The following ZNF536 variants were observed in gnomAD, a reference collection of about 807,000 sequenced individuals.
ZNF536 encodes zinc finger protein 536.
In ZNF536, 13 loss-of-function variants were observed where a neutral mutation model predicts 84.5. The ratio of observed to expected loss-of-function variants is 0.15; its 90% confidence interval spans 0.10 to 0.24. ZNF536 has a LOEUF of 0.24. Among genes scored for constraint, ZNF536 ranks in the 10% least tolerant of loss-of-function variants. ZNF536 has a pLI of 1.00. For synonymous variants in ZNF536, 811 were observed against 742.5 expected, an observed-to-expected ratio of 1.09 and a Z score of -1.50; for missense variants, 1,536 against 1,747.5, an observed-to-expected ratio of 0.88 and a Z score of 2.16.
At chr19:30,648,127 T>C (rs527929338) in intron 1 of ZNF536, among the ~76,000 whole-genome samples, 1 of 152,220 alleles carries the variant, frequency 6.6e-6, no homozygotes, top group Non-Finnish European at 1.5e-5. Context: ...TCTGCCTGTG[T>C]TCCCAGAACA....
intron 1 of ZNF536, among the ~76,000 whole-genome samples, chr19:30,656,052 C>A (rs908930817): frequency 8.6e-5 from 13 of 151,136 alleles, no homozygotes; most frequent in East Asian, 5.8e-4. Context: ...AAAAAAAAAA[C>A]CAACAAACCC....
At chr19:30,509,811 A>G (rs1375972346) in intron 2 of ZNF536, among the ~76,000 whole-genome samples, 1 of 152,222 alleles carries the variant, frequency 6.6e-6, no homozygotes, top group African/African-American at 2.4e-5. Context: ...CCGAAGTACA[A>G]TGGCTATTAA....
intron 2 of ZNF536, among the ~76,000 whole-genome samples, chr19:30,331,268 G>A (rs2047200537): frequency 8.2e-6 from 1 of 122,350 alleles, no homozygotes; most frequent in African/African-American, 3.1e-5. Flanking sequence ...TCCAGCCTGG[G>A]GAACAGAGTA....
At chr19:30,396,945 G>A (rs1442940411) in intron 1 of ZNF536, among the ~76,000 whole-genome samples, 1 of 152,146 alleles carries the variant, frequency 6.6e-6, no homozygotes, top group Non-Finnish European at 1.5e-5. Context: ...CCTCAGGCCA[G>A]CTAGGCACCT....
intron 1 of ZNF536, among the ~76,000 whole-genome samples, chr19:30,240,518 C>T (rs890440424): frequency 1.3e-5 from 2 of 152,228 alleles, no homozygotes; most frequent in East Asian, 1.9e-4. Flanking sequence ...CTCCCAGCTG[C>T]AGGTTGCTCT....
chr19:30,493,678 C>T (rs2054600981), intron 2 of ZNF536, among the ~76,000 whole-genome samples: 1 of 152,044 alleles, frequency 6.6e-6, no homozygotes, highest in African/African-American at 2.4e-5. Flanking sequence ...AAAGTTTGGC[C>T]ATGTTTGGTC....
intron 2 of ZNF536, among the ~76,000 whole-genome samples, chr19:30,522,513 A>AT (rs2044402418): frequency 6.7e-6 from 1 of 148,232 alleles, no homozygotes; most frequent in African/African-American, 2.4e-5. Context: ...TTACTCTTCA[A>AT]TAAAAAATGC....
intron 1 of ZNF536, among the ~76,000 whole-genome samples, chr19:30,636,407 C>T (rs1238839535): frequency 1.3e-5 from 2 of 152,054 alleles, no homozygotes; most frequent in Non-Finnish European, 2.9e-5. Context: ...CTCATGAGGC[C>T]CTTGTCTCTT....
chr19:30,489,825 T>C (rs866501638), intron 2 of ZNF536, among the ~76,000 whole-genome samples: 2 of 152,366 alleles, frequency 1.3e-5, no homozygotes, highest in African/African-American at 4.8e-5. Context: ...TCCAGATTTC[T>C]GCAAATACAA....
At chr19:30,682,627 C>T (rs895686170) in intron 1 of ZNF536, among the ~76,000 whole-genome samples, 3 of 152,230 alleles carry the variant, frequency 2.0e-5, no homozygotes, top group African/African-American at 7.2e-5. Flanking sequence ...CTCACGGTCC[C>T]TCCTGACGCT....
intron 1 of ZNF536, among the ~76,000 whole-genome samples, chr19:30,281,802 T>C (rs1175248197): frequency 1.3e-5 from 2 of 152,192 alleles, no homozygotes; most frequent in Admixed American, 6.5e-5. Context: ...CCATGCTTTT[T>C]GTCGCCTTTG....
intron 2 of ZNF536, among the ~76,000 whole-genome samples, chr19:30,464,185 G>A (rs1344833639): frequency 6.6e-6 from 1 of 152,144 alleles, no homozygotes; most frequent in African/African-American, 2.4e-5. Flanking sequence ...CGCTGCTTAC[G>A]GGTTTAGCTG....
intron 1 of ZNF536, 127 bp from the exon 2 acceptor site, chr19:30,443,434 C>A: frequency 7.5e-7 from 1 of 1,325,088 alleles, no homozygotes; most frequent in Non-Finnish European, 9.9e-7. Context: ...TTGTTTTTGA[C>A]AAGAATTCCT....
chr19:30,371,294 G>A (rs2048603039), upstream of ZNF536, among the ~76,000 whole-genome samples: 1 of 152,132 alleles, frequency 6.6e-6, no homozygotes, highest in South Asian at 2.1e-4. Context: ...CATAAACAAA[G>A]GCAGCTGGGC....
chr19:30,627,095 G>T (rs2048708355), intron 1 of ZNF536, among the ~76,000 whole-genome samples: 1 of 152,242 alleles, frequency 6.6e-6, no homozygotes, highest in African/African-American at 2.4e-5. Flanking sequence ...GCTGAAGGGT[G>T]CCCCTTGCTC....
At chr19:30,473,822 G>T (rs1175204871) in intron 2 of ZNF536, among the ~76,000 whole-genome samples, 2 of 152,134 alleles carry the variant, frequency 1.3e-5, no homozygotes, top group Non-Finnish European at 2.9e-5. Flanking sequence ...TTCTGTTTTA[G>T]CTGTCTCTCC....
intron 1 of ZNF536, among the ~76,000 whole-genome samples, chr19:30,654,429 C>A (rs900249271): frequency 6.6e-6 from 1 of 151,766 alleles, no homozygotes; most frequent in Non-Finnish European, 1.5e-5. Context: ...TTCACCCCAT[C>A]CCCAGTCTCT....
intron 1 of ZNF536, among the ~76,000 whole-genome samples, chr19:30,423,240 C>A (rs1029063544): frequency 6.6e-6 from 1 of 151,890 alleles, no homozygotes; most frequent in Non-Finnish European, 1.5e-5. Flanking sequence ...TCCACCCGCC[C>A]ATTCACATAT....
At chr19:30,622,414 AG>A (rs1416353590) in intron 1 of ZNF536, among the ~76,000 whole-genome samples, 1 of 152,220 alleles carries the variant, frequency 6.6e-6, no homozygotes, top group African/African-American at 2.4e-5. Context: ...ATGTCCCCCC[AG>A]GGGCATGTTT....
Sources: allele counts gnomAD v4.1 joint callset (sites outside exome capture counted in the v4.1 genomes callset), GRCh38; gene constraint gnomAD v4.1.1; transcripts MANE v1.5; gene names NCBI Gene and HGNC (gene_info 2026-07-23, HGNC 2026-07-21).